Variants in SPNS3 observed in about 807,000 individuals in gnomAD.
SPNS3 encodes SPNS lysolipid transporter 3, sphingosine-1-phosphate (putative).
In SPNS3, 51 loss-of-function variants were observed where a neutral mutation model predicts 54.4. The ratio of observed to expected loss-of-function variants is 0.94; its 90% confidence interval spans 0.75 to 1.18. SPNS3 has a LOEUF of 1.18. Ranked by LOEUF, SPNS3 falls within the 50% of genes most tolerant of loss-of-function variation. The probability of loss-of-function intolerance (pLI) is 0.00; values close to 1 mark genes in which losing one functional copy is unlikely to be tolerated. For synonymous variants in SPNS3, 309 were observed against 294.7 expected, an observed-to-expected ratio of 1.05 and a Z score of -0.50; for missense variants, 669 against 677.4, an observed-to-expected ratio of 0.99 and a Z score of 0.14.
chr17:4,467,947 AG>A (rs1190991146), intron 8 of SPNS3, among the ~76,000 whole-genome samples: 1 of 152,262 alleles, frequency 6.6e-6, no homozygotes, highest in Non-Finnish European at 1.5e-5. Context: ...CTGGGATTAC[AG>A]GCATGGGCGA....
rs1236093689 is a variant in SPNS3 at position 4,483,978 on chromosome 17, G to A, written c.1180-2250G>A. Among the ~76,000 whole-genome samples, 1 of 152,162 alleles carries A rather than the reference G, an allele frequency of 6.6e-6. No individual in the cohort carries two copies. Among genetic ancestry groups the A allele is most frequent in the Non-Finnish European group, 1.5e-5 (1 of 68,038 alleles). The stretch of plus-strand genomic sequence containing the variant: ...TCCCCGTCTCTTTGCCAGTTACTCT[G>A]CCATCCGTTTACAGGGCTAGTGATG... On this transcript the variant is annotated intron_variant, in intron 9 of 11. Transcript: ENST00000355530. The surrounding 1 kb of genome is among the most constrained non-coding windows in gnomAD (Gnocchi z 4.2).
rs1346939084 is a variant in SPNS3, at chr17:4,487,944, A to G, written c.*50A>G. 1 of 1,530,472 alleles carries G rather than the reference A, an allele frequency of 6.5e-7. No individual in the cohort carries two copies. The highest frequency in any genetic ancestry group is 9.0e-7 in the Non-Finnish European group (1 of 1,105,594). The allele number at this position is 1,530,472 out of a possible 1,614,324, so 94.8% of individuals were successfully genotyped here. A position where few individuals can be genotyped will look rare whatever the true frequency, so the allele number is the denominator to read the frequency against. On this transcript the variant is annotated 3_prime_UTR_variant, in exon 12 of 12. Coordinates refer to ENST00000355530, the MANE Select transcript of SPNS3 (RefSeq NM_182538.5). ...CTGCAAGCCTCCCGTTGGTCCCCAC[A>G]GCAGCAGTGCCTCGGTTCCTCTTTG...
At chr17:4,462,172 T>G in intron 8 of SPNS3, among the ~76,000 whole-genome samples, 1 of 90 alleles carries the variant, frequency 0.011, no homozygotes, top group African/African-American at 0.025. Context: ...CATCCATCCA[T>G]CCATCCATCC....
At chr17:4,462,844 C>T (rs1368578496) in intron 8 of SPNS3, among the ~76,000 whole-genome samples, 16 of 39,842 alleles carry the variant, frequency 4.0e-4, no homozygotes, top group South Asian at 2.2e-3. Context: ...CATTCAACCA[C>T]GCACCCACCC....
chr17:4,437,068 T>G (rs907717389), intron 1 of SPNS3, among the ~76,000 whole-genome samples: 10 of 152,206 alleles, frequency 6.6e-5, no homozygotes, highest in Non-Finnish European at 1.5e-4. Flanking sequence ...CTGTGGTTAC[T>G]GTGGGGATAG....
chr17:4,475,395 TGCACTGGCCAGC>T (rs1971963621), intron 8 of SPNS3, among the ~76,000 whole-genome samples: 1 of 151,802 alleles, frequency 6.6e-6, no homozygotes, highest in African/African-American at 2.4e-5. Flanking sequence ...AGGCCTGGAG[TGCACTGGCCAGC>T]GGCCATGGGC....
chr17:4,450,762 A>ATT (rs11415054), intron 7 of SPNS3, among the ~76,000 whole-genome samples: 23,546 of 127,076 alleles, frequency 0.19, 2,610 homozygotes, highest in South Asian at 0.26. Context: ...ATGCCCAGCT[A>ATT]TTTTTTTTTT....
chr17:4,465,935 A>G (rs374752703), intron 8 of SPNS3, among the ~76,000 whole-genome samples: 2 of 152,234 alleles, frequency 1.3e-5, no homozygotes, highest in East Asian at 3.8e-4. Flanking sequence ...GAAGCCTACC[A>G]GGGTGGGTCT....
intron 2 of SPNS3, among the ~76,000 whole-genome samples, chr17:4,440,028 A>T (rs1475031869): frequency 6.6e-6 from 1 of 152,168 alleles, no homozygotes; most frequent in Non-Finnish European, 1.5e-5. Flanking sequence ...GGTGAGGCTC[A>T]GCGGTGCACC....
intron 9 of SPNS3, among the ~76,000 whole-genome samples, chr17:4,481,675 C>G (rs917773816): frequency 1.3e-5 from 2 of 152,212 alleles, no homozygotes; most frequent in Non-Finnish European, 2.9e-5. Flanking sequence ...TGGCTCCTCA[C>G]TAGCTGTGTG....
chr17:4,461,008 T>C (rs952519318), intron 8 of SPNS3, among the ~76,000 whole-genome samples: 18 of 152,212 alleles, frequency 1.2e-4, no homozygotes, highest in Non-Finnish European at 2.9e-5. Flanking sequence ...AGTTTTTTGA[T>C]TGCTAACTCA....
At chr17:4,451,400 C>T (rs1301648790) in intron 7 of SPNS3, among the ~76,000 whole-genome samples, 2 of 151,864 alleles carry the variant, frequency 1.3e-5, no homozygotes, top group African/African-American at 2.4e-5. Context: ...TACAGGCGCA[C>T]ACCACCACGC....
intron 4 of SPNS3, chr17:4,446,511 G>A (rs1056624496): frequency 7.8e-5 from 38 of 490,136 alleles, no homozygotes; most frequent in East Asian, 3.3e-5. Context: ...GTGAGGAAGC[G>A]TGTTAGGGCC....
In SPNS3 at chr17:4,486,116, C is replaced by A; in HGVS notation, c.1180-112C>A. 1.1e-6 allele frequency: 1 copy of A among 900,150 alleles called. No homozygotes were observed. The highest frequency in any genetic ancestry group is 1.7e-5 in the African/African-American group (1 of 58,386). The allele number at this position is 900,150 out of a possible 1,614,324, so 55.8% of individuals were successfully genotyped here. ...TGGGGACCGTCGACTCCCTCCCATC[C>A]CACTCACCTGAATGGCCTGTCACTC... On this transcript the variant is annotated intron_variant, in intron 9 of 11. Transcript: ENST00000355530. The surrounding 1 kb of genome is among the most constrained non-coding windows in gnomAD (Gnocchi z 5.5).
intron 7 of SPNS3, among the ~76,000 whole-genome samples, chr17:4,450,673 T>G (rs1971139015): frequency 6.6e-6 from 1 of 151,896 alleles, no homozygotes; most frequent in Non-Finnish European, 1.5e-5. Context: ...CTTGGCTGAC[T>G]GCAGTTTCCA....
At chr17:4,434,866 G>A (rs553193525) in intron 1 of SPNS3, among the ~76,000 whole-genome samples, 5 of 149,338 alleles carry the variant, frequency 3.3e-5, no homozygotes, top group South Asian at 4.2e-4. Context: ...GTGCAGTGGC[G>A]CGATCTCGGC....
At chr17:4,485,738 C>T (rs139271315) in intron 9 of SPNS3, among the ~76,000 whole-genome samples, 1 of 152,326 alleles carries the variant, frequency 6.6e-6, no homozygotes, top group East Asian at 1.9e-4. Context: ...TCCGTGGAGT[C>T]GTGCGGGCTT....
Position 4,434,051 on chromosome 17 carries a change from T to TC in SPNS3, c.89dup (p.Pro31SerfsTer50). On this transcript the variant is annotated frameshift_variant, in exon 1 of 12. Transcript: ENST00000355530. LOFTEE classifies it high-confidence loss of function. Reference sequence around the variant, plus strand: ...AGTCCCCAGGGCCAGGCAGGCAGTGTCCCCCTCCCATCACGCCCACCTCCT... The same window carrying TC: ...AGTCCCCAGGGCCAGGCAGGCAGTGTCCCCCCTCCCATCACGCCCACCTCCT... The TC allele has an allele frequency of 6.2e-7, 1 of 1,609,474 alleles. No homozygotes were observed. The highest frequency in any genetic ancestry group is 1.1e-5 in the South Asian group (1 of 90,488).
intron 7 of SPNS3, among the ~76,000 whole-genome samples, chr17:4,450,106 C>G (rs924708052): frequency 3.9e-5 from 6 of 152,024 alleles, no homozygotes; most frequent in African/African-American, 1.4e-4. Context: ...TTGCAGTCCC[C>G]TCCTCCTCTC....
Sources: allele counts gnomAD v4.1 joint callset (sites outside exome capture counted in the v4.1 genomes callset), GRCh38; gene constraint gnomAD v4.1.1; non-coding constraint Gnocchi (gnomAD v3.1); transcripts MANE v1.5; gene names NCBI Gene and HGNC (gene_info 2026-07-23, HGNC 2026-07-21).